Variants in IQCM observed in about 807,000 individuals in gnomAD.
IQCM encodes IQ motif containing M.
Under a neutral mutation model 57.6 loss-of-function variants are expected in IQCM, and 45 were observed. That is an observed-to-expected ratio of 0.78 (90% CI 0.62 to 1.00). The LOEUF (loss-of-function observed/expected upper bound fraction) is 1.00, where lower values mean the gene tolerates loss of function less well. Among genes scored for constraint, IQCM ranks in the 50% least tolerant of loss-of-function variants. IQCM has a pLI of 0.00. For missense variants in IQCM, 468 were observed against 511.6 expected (o/e 0.91, Z 0.82); for synonymous variants, 148 against 158.9 (o/e 0.93, Z 0.51).
At chr4:149,475,058 C>G (rs990127971) in intron 12 of IQCM, among the ~76,000 whole-genome samples, 1 of 152,120 alleles carries the variant, frequency 6.6e-6, no homozygotes, top group African/African-American at 2.4e-5. Flanking sequence ...AAGACATAAC[C>G]TAACATATTT....
intron 2 of IQCM, among the ~76,000 whole-genome samples, chr4:149,779,289 T>C (rs1417645883): frequency 2.0e-5 from 3 of 152,048 alleles, no homozygotes; most frequent in Non-Finnish European, 2.9e-5. Flanking sequence ...CATATGAAAG[T>C]CAAGGAACTA....
intron 6 of IQCM, 24 bp downstream of exon 6, chr4:149,686,354 A>T: frequency 9.4e-7 from 1 of 1,060,468 alleles, no homozygotes. Flanking sequence ...TATATTTTCT[A>T]TAGGTTAGCT....
At chr4:149,548,326 A>T in intron 12 of IQCM, 129 bp downstream of exon 12, 1 of 706,084 alleles carries the variant, frequency 1.4e-6, no homozygotes, top group South Asian at 7.7e-5. Context: ...AAGCACTTAC[A>T]CAAAAAGTTT....
At chr4:149,637,162 G>GAAAAAAAA (rs1021089498) in intron 7 of IQCM, among the ~76,000 whole-genome samples, 3 of 99,448 alleles carry the variant, frequency 3.0e-5, no homozygotes, top group South Asian at 3.0e-4. Flanking sequence ...AAAAAAAAAA[G>GAAAAAAAA]AAAAAAAAAA....
intron 3 of IQCM, among the ~76,000 whole-genome samples, chr4:149,737,131 A>G (rs1767013378): frequency 6.6e-6 from 1 of 152,202 alleles, no homozygotes; most frequent in Non-Finnish European, 1.5e-5. Flanking sequence ...GAACAGGTAA[A>G]ACTAATCTAT....
chr4:149,736,641 T>C (rs1766970463), intron 3 of IQCM, among the ~76,000 whole-genome samples: 1 of 152,202 alleles, frequency 6.6e-6, no homozygotes. Context: ...TATAATGAGA[T>C]ACCACTACAC....
chr4:149,761,123 C>T (rs1030655952), intron 2 of IQCM, among the ~76,000 whole-genome samples: 40 of 152,140 alleles, frequency 2.6e-4, no homozygotes, highest in African/African-American at 4.3e-4. Context: ...TACGCCAGCA[C>T]GTGAAACTAA....
chr4:149,476,964 A>G (rs1328312997), intron 12 of IQCM, among the ~76,000 whole-genome samples: 1 of 152,204 alleles, frequency 6.6e-6, no homozygotes, highest in Non-Finnish European at 1.5e-5. Flanking sequence ...AAAGAGCCTC[A>G]CAAATACAGG....
chr4:149,583,479 T>A (rs752516936), intron 9 of IQCM, among the ~76,000 whole-genome samples: 30 of 151,508 alleles, frequency 2.0e-4, no homozygotes, highest in Non-Finnish European at 3.5e-4. Flanking sequence ...TGGAAATCAG[T>A]CAAGCATTTT....
chr4:149,753,825 G>T, intron 2 of IQCM, among the ~76,000 whole-genome samples: 1 of 96,744 alleles, frequency 1.0e-5, no homozygotes. Context: ...CTCAGGGGAG[G>T]GGGGTGGGAA....
At chr4:149,638,711 G>A (rs1263517491) in intron 7 of IQCM, among the ~76,000 whole-genome samples, 2 of 152,122 alleles carry the variant, frequency 1.3e-5, no homozygotes, top group Non-Finnish European at 2.9e-5. Context: ...AATTAGCTTA[G>A]CCTAGGTAGA....
chr4:149,538,974 A>G (rs13121894), intron 12 of IQCM, among the ~76,000 whole-genome samples: 72,526 of 151,854 alleles, frequency 0.48, 17,869 homozygotes, highest in Non-Finnish European at 0.55. Flanking sequence ...AATAATAAGA[A>G]AATAAAGCTC....
intron 7 of IQCM, among the ~76,000 whole-genome samples, chr4:149,643,932 CA>C (rs1232349907): frequency 6.6e-6 from 1 of 152,144 alleles, no homozygotes; most frequent in East Asian, 1.9e-4. Flanking sequence ...GATGAAATAT[CA>C]AGGCCTTACT....
At chr4:149,699,695 CAAAAAAAAAAAAAA>C (rs34250922) in intron 5 of IQCM, among the ~76,000 whole-genome samples, 5 of 25,938 alleles carry the variant, frequency 1.9e-4, no homozygotes, top group South Asian at 1.1e-3. Context: ...GTTTGAGTGG[CAAAAAAAAAAAAAA>C]AAAAAAAAAA....
intron 8 of IQCM, among the ~76,000 whole-genome samples, chr4:149,594,372 G>A (rs183130682): frequency 9.3e-4 from 142 of 151,900 alleles, no homozygotes; most frequent in Non-Finnish European, 1.7e-3. Context: ...TCTTGCTAGC[G>A]GTCTATCAAT....
chr4:149,423,129 G>A (rs920538927), intron 13 of IQCM, among the ~76,000 whole-genome samples: 3 of 152,018 alleles, frequency 2.0e-5, no homozygotes, highest in Admixed American at 6.6e-5. Flanking sequence ...CTTGTATAAA[G>A]AACTTCCTTG....
rs544810390 is a variant in IQCM, at chr4:149,519,718, T to C, written c.1228+28737A>G. 2.0e-5 allele frequency among the ~76,000 whole-genome samples: 3 copies of C among 151,620 alleles called. No individual in the cohort carries two copies. In the South Asian group the frequency reaches 6.2e-4, roughly 32 times the overall value. The stretch of plus-strand genomic sequence containing the variant: ...GTCATGCTTTTAAAACAGTATCCTG[T>C]TTTGGGCTGGGCATGGTGACTCATG... On this transcript the variant is annotated intron_variant, in intron 12 of 13. Coordinates refer to ENST00000636793, the MANE Select transcript of IQCM (RefSeq NM_001363507.2).
intron 13 of IQCM, among the ~76,000 whole-genome samples, chr4:149,403,248 T>C (rs1384438783): frequency 6.6e-6 from 1 of 151,970 alleles, no homozygotes; most frequent in Non-Finnish European, 1.5e-5. Flanking sequence ...TTCTTTTTAC[T>C]TTTTTTCCTC....
chr4:149,763,346 C>T (rs1769719174), intron 2 of IQCM, among the ~76,000 whole-genome samples: 1 of 151,978 alleles, frequency 6.6e-6, no homozygotes, highest in Admixed American at 6.6e-5. Context: ...GCAGTCATCA[C>T]AGAGTATTAT....
Sources: allele counts gnomAD v4.1 joint callset (sites outside exome capture counted in the v4.1 genomes callset), GRCh38; gene constraint gnomAD v4.1.1; transcripts MANE v1.5; gene names NCBI Gene and HGNC (gene_info 2026-07-23, HGNC 2026-07-21).